Variants in ERBB4 observed in about 807,000 individuals in gnomAD.
ERBB4 encodes erb-b2 receptor tyrosine kinase 4.
Under a neutral mutation model 158.0 loss-of-function variants are expected in ERBB4, and 42 were observed. That is an observed-to-expected ratio of 0.27 (90% CI 0.21 to 0.34). The LOEUF is 0.34. ERBB4 is among the 10% of genes least tolerant of loss of function. ERBB4 has a pLI of 1.00. For synonymous variants in ERBB4, 583 were observed against 558.7 expected, an observed-to-expected ratio of 1.04 and a Z score of -0.61; for missense variants, 1,333 against 1,624.1, an observed-to-expected ratio of 0.82 and a Z score of 3.08.
chr2:211,421,159 A>C (rs112778771), intron 24 of ERBB4, among the ~76,000 whole-genome samples: 1 of 151,984 alleles, frequency 6.6e-6, no homozygotes, highest in Non-Finnish European at 1.5e-5. Flanking sequence ...GCTCTTCCTC[A>C]CCTCGTCTAT....
intron 3 of ERBB4, among the ~76,000 whole-genome samples, chr2:211,818,401 G>C (rs892189268): frequency 4.6e-5 from 7 of 152,014 alleles, no homozygotes; most frequent in African/African-American, 1.4e-4. Context: ...AGGGTACTCT[G>C]AGAACATACA....
chr2:212,312,637 T>C (rs2087100645), intron 1 of ERBB4, among the ~76,000 whole-genome samples: 2 of 150,952 alleles, frequency 1.3e-5, no homozygotes, highest in African/African-American at 2.4e-5. Context: ...TAATATAGAA[T>C]CCAAATATAT....
chr2:212,072,700 C>G (rs527970341), intron 2 of ERBB4, among the ~76,000 whole-genome samples: 1 of 151,932 alleles, frequency 6.6e-6, no homozygotes, highest in African/African-American at 2.4e-5. Flanking sequence ...CAGTTTTAGT[C>G]CTTATTCATT....
chr2:211,982,706 C>G (rs1410461254), intron 2 of ERBB4, among the ~76,000 whole-genome samples: 1 of 152,128 alleles, frequency 6.6e-6, no homozygotes, highest in African/African-American at 2.4e-5. Flanking sequence ...TTATCCTTGG[C>G]CAGGCTGTTT....
At chr2:212,460,450 C>T (rs757781273) in intron 1 of ERBB4, among the ~76,000 whole-genome samples, 8 of 152,138 alleles carry the variant, frequency 5.3e-5, no homozygotes, top group Admixed American at 6.5e-5. Context: ...GATAGTGATA[C>T]GAATAATAAG....
chr2:211,668,576 C>G (rs907206251), intron 14 of ERBB4, among the ~76,000 whole-genome samples: 17 of 152,024 alleles, frequency 1.1e-4, no homozygotes, highest in Admixed American at 7.9e-4. Flanking sequence ...AGGCTGAATC[C>G]TTATAGAAGC....
At chr2:211,418,804 T>C (rs2063451012) in intron 25 of ERBB4, among the ~76,000 whole-genome samples, 1 of 152,130 alleles carries the variant, frequency 6.6e-6, no homozygotes, top group Non-Finnish European at 1.5e-5. Flanking sequence ...TTATACACCT[T>C]AACCGCTTTC....
intron 1 of ERBB4, among the ~76,000 whole-genome samples, chr2:212,526,683 C>T (rs1429783300): frequency 6.6e-5 from 10 of 151,974 alleles, no homozygotes; most frequent in Admixed American, 3.3e-4. Context: ...TACCAAAGAT[C>T]TACACTCTCT....
intron 1 of ERBB4, among the ~76,000 whole-genome samples, chr2:212,380,604 C>G (rs1242833856): frequency 6.6e-6 from 1 of 150,710 alleles, no homozygotes; most frequent in Non-Finnish European, 1.5e-5. Context: ...AAAAAATACA[C>G]TTAAGTTATA....
chr2:211,637,786 A>T (rs1224619286), intron 16 of ERBB4, among the ~76,000 whole-genome samples: 1 of 152,048 alleles, frequency 6.6e-6, no homozygotes, highest in African/African-American at 2.4e-5. Context: ...AACATCAAAT[A>T]TAAATAGTAA....
chr2:211,607,537 G>C (rs1188673720), intron 19 of ERBB4, among the ~76,000 whole-genome samples: 1 of 152,140 alleles, frequency 6.6e-6, no homozygotes, highest in Non-Finnish European at 1.5e-5. Flanking sequence ...AAGCTTTTTA[G>C]TTTTGAGATC....
chr2:211,398,152 T>G (rs1456421518), intron 25 of ERBB4, among the ~76,000 whole-genome samples: 1 of 152,170 alleles, frequency 6.6e-6, no homozygotes, highest in Non-Finnish European at 1.5e-5. Context: ...CTTATCCAGC[T>G]GTGCAAGTCA....
chr2:212,053,385 C>T (rs544845338), intron 2 of ERBB4, among the ~76,000 whole-genome samples: 2 of 152,264 alleles, frequency 1.3e-5, no homozygotes, highest in East Asian at 3.9e-4. Flanking sequence ...TAATGTTCCA[C>T]CTGGACACAT....
intron 1 of ERBB4, among the ~76,000 whole-genome samples, chr2:212,522,375 G>C (rs549412447): frequency 6.6e-6 from 1 of 152,086 alleles, no homozygotes; most frequent in East Asian, 1.9e-4. Flanking sequence ...GAGTTAATGT[G>C]TGATGTACAG....
intron 20 of ERBB4, among the ~76,000 whole-genome samples, chr2:211,478,672 A>G (rs559486235): frequency 6.6e-6 from 1 of 152,272 alleles, no homozygotes; most frequent in African/African-American, 2.4e-5. Flanking sequence ...CCCTGCTTTC[A>G]ACATCCTAAT....
At chr2:211,848,234 G>A (rs2106023301) in intron 3 of ERBB4, among the ~76,000 whole-genome samples, 1 of 152,182 alleles carries the variant, frequency 6.6e-6, no homozygotes, top group South Asian at 2.1e-4. Context: ...CCATTTCTGG[G>A]TATAAAGTTT....
chr2:211,896,055 C>T (rs1014932093), intron 3 of ERBB4, among the ~76,000 whole-genome samples: 4 of 152,118 alleles, frequency 2.6e-5, no homozygotes, highest in South Asian at 2.1e-4. Flanking sequence ...CTGGATCCTT[C>T]GTCTTCTCTA....
At position 212,382,006 on chromosome 2, in the gene ERBB4, C is replaced by T. The variant is rs62184099; in HGVS notation, c.82+156443G>A. Among the ~76,000 whole-genome samples, 1,218 of 151,026 alleles carry T rather than the reference C, an allele frequency of 8.1e-3. 8 individuals carry two copies. Among genetic ancestry groups the T allele is most frequent in the Non-Finnish European group, 0.013 (865 of 67,336 alleles). ...AGTGTTGTTTATGGAGCAGAAGCAA[C>T]AGCATCACTTAGGAGTCTGTTAGAA... On this transcript the variant is annotated intron_variant, in intron 1 of 27. Transcript: ENST00000342788.
intron 1 of ERBB4, chr2:212,426,293 TAC>T (rs754285569): frequency 2.1e-6 from 1 of 474,530 alleles, no homozygotes; most frequent in African/African-American, 2.1e-5. Context: ...CAAAAGTAAT[TAC>T]AGTTTTTGCC....
Sources: allele counts gnomAD v4.1 joint callset (sites outside exome capture counted in the v4.1 genomes callset), GRCh38; gene constraint gnomAD v4.1.1; transcripts MANE v1.5; gene names NCBI Gene and HGNC (gene_info 2026-07-23, HGNC 2026-07-21).